The following DND1 variants were observed in gnomAD, a reference collection of about 807,000 sequenced individuals.
The protein encoded by DND1 is dead end protein homolog 1.
Under a neutral mutation model 30.4 loss-of-function variants are expected in DND1, and 6 were observed. That is an observed-to-expected ratio of 0.20 (90% CI 0.11 to 0.39). The LOEUF (loss-of-function observed/expected upper bound fraction) is 0.39, where lower values mean the gene tolerates loss of function less well. Ranked by LOEUF, DND1 falls within the 10% of genes least tolerant of loss-of-function variation. DND1 has a pLI of 1.00. For missense variants in DND1, 358 were observed against 474.9 expected, an observed-to-expected ratio of 0.75 and a Z score of 2.29; for synonymous variants, 178 against 210.4, an observed-to-expected ratio of 0.85 and a Z score of 1.33.
At chr5:140,673,233 G>A (rs764578051) in intron 2 of DND1, 38 bp downstream of exon 2, 1 of 1,603,824 alleles carries the variant, frequency 6.2e-7, no homozygotes, top group East Asian at 2.2e-5. Flanking sequence ...AAGGGGGCTG[G>A]TGTAGCCGGA....
Position 140,670,889 on chromosome 5 carries a change from A to G in DND1, c.*404T>C. On this transcript the variant is annotated 3_prime_UTR_variant, in exon 4 of 4. Coordinates refer to ENST00000542735, the MANE Select transcript of DND1 (RefSeq NM_194249.3). ...ACCAGAATGCCATGTGGTGGAGGCA[A>G]AGGGCAGAATTTCTGACCCCTTTGG... The G allele has an allele frequency of 3.7e-6, 1 of 268,260 alleles. No homozygotes were observed. Among genetic ancestry groups the G allele is most frequent in the South Asian group, 4.7e-5 (1 of 21,404 alleles). 16.6% of individuals were successfully genotyped at this position (268,260 alleles called of 1,614,324 possible). A position where few individuals can be genotyped will look rare whatever the true frequency, so the allele number is the denominator to read the frequency against.
chr5:140,672,352 A>C, intron 3 of DND1, 93 bp downstream of exon 3: 4 of 1,344,304 alleles, frequency 3.0e-6, no homozygotes, highest in Non-Finnish European at 4.1e-6. Context: ...GGCATGTTTG[A>C]CTCTAAGATC....
At chr5:140,673,227 G>A (rs1405071723) in intron 2 of DND1, 44 bp downstream of exon 2, 13 of 1,601,258 alleles carry the variant, frequency 8.1e-6, no homozygotes, top group Non-Finnish European at 1.1e-5. Flanking sequence ...CCCCCAAAGG[G>A]GGCTGGTGTA....
Position 140,671,560 on chromosome 5 carries a change from T to C in DND1, c.795A>G (p.Arg265=), listed in dbSNP as rs1257006091. The stretch of plus-strand genomic sequence containing the variant: ...GGAACACAGGGCTGCCCAGCTTCAT[T>C]CGTTGGCACAGCAACTGCAGGGTAG... ...ARATLQLLCQ[R]MKLGSPVFLT... is the part of the protein sequence containing the mutation. The change falls in exon 4 of 4, where the codon CGA becomes CGG. Residue 265 remains arginine, a synonymous_variant. Transcript: ENST00000542735. The C allele has an allele frequency of 2.6e-6, 4 of 1,567,328 alleles. No individual in the cohort carries two copies. The African/African-American group carries it at 4.1e-5, about 16-fold the overall frequency.
In DND1 at chr5:140,672,436, C is replaced by G. The variant is rs1758109682; in HGVS notation, c.604+9G>C. On this transcript the variant is annotated intron_variant, in intron 3 of 3. Transcript: ENST00000542735. The stretch of plus-strand genomic sequence containing the variant: ...TTTGGCCCCAACCAGCACCCCCGCC[C>G]CAGCCTACCTTCCACCAGGGCCTTT... 6.3e-7 allele frequency: 1 copy of G among 1,593,114 alleles called. No homozygotes were observed.
At chr5:140,673,445 T>C in intron 1 of DND1, 57 bp from the exon 2 acceptor site, 1 of 1,613,438 alleles carries the variant, frequency 6.2e-7, no homozygotes, top group South Asian at 1.1e-5. Flanking sequence ...CCACCTCTCC[T>C]GTGGTACTGG....
Position 140,671,763 on chromosome 5 carries a change from T to G in DND1, c.605-13A>C. The G allele has an allele frequency of 6.4e-7, 1 of 1,561,334 alleles. No individual in the cohort carries two copies. The highest frequency in any genetic ancestry group is 1.2e-5 in the South Asian group (1 of 84,756). ...AGGTGTGACTGCCCTGTAGGAAAAA[T>G]GCAAAGACAAGGGCAGGTCTAAACC... On this transcript the variant is annotated splice_polypyrimidine_tract_variant and intron_variant, in intron 3 of 3. Coordinates refer to ENST00000542735, the MANE Select transcript of DND1 (RefSeq NM_194249.3).
In DND1 at chr5:140,673,397, G is replaced by C. The variant is rs1241594704; in HGVS notation, c.25-9C>G. 1 of 1,614,124 alleles carries C rather than the reference G, an allele frequency of 6.2e-7. No homozygotes were observed. Among genetic ancestry groups the C allele is most frequent in the South Asian group, 1.1e-5 (1 of 91,086 alleles). On this transcript the variant is annotated splice_polypyrimidine_tract_variant and intron_variant, in intron 1 of 3. Transcript: ENST00000542735. ...ACCCTCTCACACCACAGCTGAGAGG[G>C]AAAGGAAGGTTGGAATGGCGGATCG...
chr5:140,673,055 T>G, intron 2 of DND1, 149 bp from the exon 3 acceptor site: 1 of 1,047,994 alleles, frequency 9.5e-7, no homozygotes, highest in African/African-American at 1.6e-5. Flanking sequence ...CATAATTAGG[T>G]GACTGCGCTA....
Position 140,671,162 on chromosome 5 carries a change from A to G in DND1, c.*131T>C, listed in dbSNP as rs1758062290. 2 of 1,169,422 alleles carry G rather than the reference A, an allele frequency of 1.7e-6. No individual in the cohort carries two copies. Among genetic ancestry groups the G allele is most frequent in the African/African-American group, 3.1e-5 (2 of 65,296 alleles). The allele number at this position is 1,169,422 out of a possible 1,614,324, so 72.4% of individuals were successfully genotyped here. On this transcript the variant is annotated 3_prime_UTR_variant, in exon 4 of 4. Transcript: ENST00000542735. The stretch of plus-strand genomic sequence containing the variant: ...GCCATAGGTCCCTGTCCCAGCAGGG[A>G]GGCTGATGGGCCTGGGCCCATGCCC...
In DND1 at chr5:140,671,349, C is replaced by T. The variant is rs770894107; in HGVS notation, c.1006G>A (p.Gly336Arg). 9 of 1,612,858 alleles carry T rather than the reference C, an allele frequency of 5.6e-6. No homozygotes were observed. Among genetic ancestry groups the T allele is most frequent in the Middle Eastern group, 1.7e-4 (1 of 5,936 alleles). ...CCAGCAGACCACAGGAGGTTGGCCC[C>T]AGACTCACTGAGTGCCTGCAGCAGC... ...VRLLQALSESGANLLWSAGAE... is the reference protein window; with the variant it reads ...VRLLQALSESRANLLWSAGAE... The change falls in exon 4 of 4, where the codon GGG becomes AGG. Residue 336 changes from glycine to arginine, a missense_variant. This residue lies in a region of DND1 where 176 missense variants were observed against 235.2 expected (regional missense o/e 0.75). Transcript: ENST00000542735.
At chr5:140,672,942 G>A (rs1204613847) in intron 2 of DND1, 36 bp from the exon 3 acceptor site, 2 of 1,534,312 alleles carry the variant, frequency 1.3e-6, no homozygotes, top group East Asian at 2.4e-5. Flanking sequence ...ACCGTCAGGC[G>A]ACGCTTTCGA....
In DND1 at chr5:140,673,530, G is replaced by T; in HGVS notation, c.13C>A (p.Arg5=). 1.3e-6 allele frequency: 2 copies of T among 1,586,698 alleles called. No individual in the cohort carries two copies. The highest frequency in any genetic ancestry group is 1.7e-6 in the Non-Finnish European group (2 of 1,165,986). Residue 5 remains arginine, a synonymous_variant, in exon 1 of 4, where the codon CGG becomes AGG. Transcript: ENST00000542735. ...CGCCAGCCGCTTACCTCACAATCCCGCTTGGACTGCATGGCTCTCCAGCTG... is the reference window on the plus strand; with the variant it reads ...CGCCAGCCGCTTACCTCACAATCCCTCTTGGACTGCATGGCTCTCCAGCTG... The part of the protein sequence containing the change: MQSK[R]DCELWCERVN...
At position 140,673,136 on chromosome 5, in the gene DND1, GAGCCAC is replaced by G. The variant is rs1403681345; in HGVS notation, c.142+129_142+134del. On this transcript the variant is annotated intron_variant, in intron 2 of 3. Coordinates refer to ENST00000542735, the MANE Select transcript of DND1 (RefSeq NM_194249.3). ...TCCCTCGACGGGGCGGGTGGACGTG[GAGCCAC>G]AGTTCCTCCTTTGCTGGGGGGTATA... 17 of 1,120,312 alleles carry G rather than the reference GAGCCAC, an allele frequency of 1.5e-5. No homozygotes were observed. In the Admixed American group the frequency reaches 2.9e-4, roughly 19 times the overall value. 69.4% of individuals were successfully genotyped at this position (1,120,312 alleles called of 1,614,324 possible). A position where few individuals can be genotyped will look rare whatever the true frequency, so the allele number is the denominator to read the frequency against.
chr5:140,671,254 T>C lies in DND1; in HGVS notation c.*39A>G, dbSNP rs781060102. On this transcript the variant is annotated 3_prime_UTR_variant, in exon 4 of 4. Transcript: ENST00000542735. The stretch of plus-strand genomic sequence containing the variant: ...CTGGGATGGGGCCTGACACAGGCTC[T>C]GCATGCCCATTCAGGGTGCCTGTGG... 3.1e-6 allele frequency: 5 copies of C among 1,610,540 alleles called. No individual in the cohort carries two copies.
chr5:140,671,170 G>A lies in DND1; in HGVS notation c.*123C>T. 1 of 1,256,144 alleles carries A rather than the reference G, an allele frequency of 8.0e-7. No homozygotes were observed. The highest frequency in any genetic ancestry group is 1.1e-6 in the Non-Finnish European group (1 of 872,378). The allele number at this position is 1,256,144 out of a possible 1,614,324, so 77.8% of individuals were successfully genotyped here. On this transcript the variant is annotated 3_prime_UTR_variant, in exon 4 of 4. Transcript: ENST00000542735. ...TCCCTGTCCCAGCAGGGAGGCTGAT[G>A]GGCCTGGGCCCATGCCCCTCCCCAC...
Position 140,671,088 on chromosome 5 carries a change from G to C in DND1, c.*205C>G. 1 of 666,244 alleles carries C rather than the reference G, an allele frequency of 1.5e-6. No homozygotes were observed. The highest frequency in any genetic ancestry group is 2.7e-5 in the East Asian group (1 of 36,390). 41.3% of individuals were successfully genotyped at this position (666,244 alleles called of 1,614,324 possible). On this transcript the variant is annotated 3_prime_UTR_variant, in exon 4 of 4. Transcript: ENST00000542735. ...TTGGACCCTGGGCTGGGAGCGGGAGGGCAAGGCCCCTCACCACAACTTAAC... is the reference window on the plus strand; with the variant it reads ...TTGGACCCTGGGCTGGGAGCGGGAGCGCAAGGCCCCTCACCACAACTTAAC...
At position 140,672,549 on chromosome 5, in the gene DND1, T is replaced by C; in HGVS notation, c.500A>G (p.Glu167Gly). 2.5e-6 allele frequency: 4 copies of C among 1,588,320 alleles called. No homozygotes were observed. Among genetic ancestry groups the C allele is most frequent in the Non-Finnish European group, 3.4e-6 (4 of 1,172,358 alleles). Residue 167 changes from glutamate to glycine, a missense_variant, in exon 3 of 4, where the codon GAG (glutamate) becomes GGG (glycine). By Grantham distance (98) the Glu-to-Gly change is moderately conservative. Coordinates refer to ENST00000542735, the MANE Select transcript of DND1 (RefSeq NM_194249.3). ...ALQPLGPGLQ[E>G]ARLLPSPGPA... Reference sequence around the variant, plus strand: ...TCCGGGGCTGGGCAGCAGCCGCGCCTCCTGCAAGCCGGGACCCAGCGGCTG... The same window carrying C: ...TCCGGGGCTGGGCAGCAGCCGCGCCCCCTGCAAGCCGGGACCCAGCGGCTG...
At position 140,671,682 on chromosome 5, in the gene DND1, G is replaced by A. The variant is rs770100890; in HGVS notation, c.673C>T (p.Arg225Cys). Residue 225 changes from arginine (R) to cysteine (C), a missense_variant, in exon 4 of 4, where the codon CGC becomes TGC. By Grantham distance (180) the Arg-to-Cys change is radical. Transcript: ENST00000542735. Reference protein sequence around the residue: ...WLKPDLKQRLRQQLVGPFLRS... With the variant: ...WLKPDLKQRLCQQLVGPFLRS... Reference sequence around the variant, plus strand: ...AAGAAGGGACCCACAAGCTGCTGGCGAAGTCGCTGCTTCAGGTCTGGCTTG... The same window carrying A: ...AAGAAGGGACCCACAAGCTGCTGGCAAAGTCGCTGCTTCAGGTCTGGCTTG... 2.5e-5 allele frequency: 40 copies of A among 1,584,978 alleles called. No individual in the cohort carries two copies. Among genetic ancestry groups the A allele is most frequent in the East Asian group, 1.8e-4 (8 of 43,932 alleles).
Sources: allele counts gnomAD v4.1 joint callset, GRCh38; gene constraint gnomAD v4.1.1; regional missense constraint gnomAD v4.1.1; transcripts MANE v1.5; gene names NCBI Gene and HGNC (gene_info 2026-07-23, HGNC 2026-07-21).